The following SYNJ2 variants were observed in gnomAD, a reference collection of about 807,000 sequenced individuals.
SYNJ2 encodes synaptojanin 2.
In SYNJ2, 116 loss-of-function variants were observed where a neutral mutation model predicts 141.3. The observed-to-expected ratio is 0.82, with a 90% CI of 0.71 to 0.96. The LOEUF (loss-of-function observed/expected upper bound fraction) is 0.96. Ranked by LOEUF, SYNJ2 falls within the 40% of genes least tolerant of loss-of-function variation. SYNJ2 has a pLI of 0.00. For missense variants in SYNJ2, 1,873 were observed against 1,934.8 expected (o/e 0.97, Z 0.60); for synonymous variants, 745 against 777.7 (o/e 0.96, Z 0.70).
intron 1 of SYNJ2, among the ~76,000 whole-genome samples, chr6:158,011,440 A>G (rs557988017): frequency 1.3e-5 from 2 of 152,198 alleles, no homozygotes; most frequent in South Asian, 4.1e-4. Context: ...CACCATGGTC[A>G]AGGCCTGTTT....
chr6:158,007,372 G>A (rs911470262), intron 1 of SYNJ2, among the ~76,000 whole-genome samples: 2 of 152,156 alleles, frequency 1.3e-5, no homozygotes, highest in Non-Finnish European at 2.9e-5. Context: ...CAGCCTCCAC[G>A]CAGGGCTGCA....
chr6:158,057,418 GGAAA>G lies in SYNJ2; in HGVS notation c.858-1832_858-1829del, dbSNP rs541327317. Among the ~76,000 whole-genome samples, 31 of 152,180 alleles carry G rather than the reference GGAAA, an allele frequency of 2.0e-4. No individual in the cohort carries two copies. The East Asian group carries it at 5.6e-3, about 28-fold the overall frequency. On this transcript the variant is annotated intron_variant, in intron 6 of 26. Transcript: ENST00000355585. The stretch of plus-strand genomic sequence containing the variant: ...CAATAACGAGCATTTTACAATAAAG[GGAAA>G]GAAAGAGGAACCACGTCCCACACAC...
intron 4 of SYNJ2, among the ~76,000 whole-genome samples, chr6:158,036,823 G>C (rs1330638276): frequency 6.6e-6 from 1 of 152,182 alleles, no homozygotes; most frequent in East Asian, 1.9e-4. Context: ...AGAGAGAGAA[G>C]CTGTGGCCCC....
At position 157,982,530 on chromosome 6, in the gene SYNJ2, A is replaced by G. The variant is rs983447183; in HGVS notation, c.127+442A>G. Reference sequence around the variant, plus strand: ...GGGATGGGGACAAAAGCCCCAAAACATAGGCTCTGGAGAAACCGCTGATGG... The same window carrying G: ...GGGATGGGGACAAAAGCCCCAAAACGTAGGCTCTGGAGAAACCGCTGATGG... On this transcript the variant is annotated intron_variant, in intron 1 of 26. Transcript: ENST00000355585. This position sits in a 1 kb window ranked among gnomAD's most constrained non-coding sequence, Gnocchi z 4.0. 6.6e-6 allele frequency among the ~76,000 whole-genome samples: 1 copy of G among 152,242 alleles called. No individual in the cohort carries two copies. The highest frequency in any genetic ancestry group is 1.5e-5 in the Non-Finnish European group (1 of 68,044).
At chr6:158,016,323 A>G (rs536741676) in intron 1 of SYNJ2, among the ~76,000 whole-genome samples, 2 of 152,336 alleles carry the variant, frequency 1.3e-5, no homozygotes, top group East Asian at 3.9e-4. Flanking sequence ...CACGTTGCCC[A>G]GGCTGGTCTC....
chr6:158,074,489 C>T (rs577156234), intron 15 of SYNJ2, 91 bp from the exon 16 acceptor site: 179 of 1,377,742 alleles, frequency 1.3e-4, no homozygotes, highest in Non-Finnish European at 1.7e-4. Context: ...GAGAAAAATA[C>T]TCCTGCTTGC....
In SYNJ2 at chr6:157,982,162, A is replaced by T; in HGVS notation, c.127+74A>T. The T allele has an allele frequency of 8.0e-7, 1 of 1,255,290 alleles. No individual in the cohort carries two copies. Among genetic ancestry groups the T allele is most frequent in the Non-Finnish European group, 1.0e-6 (1 of 999,104 alleles). The allele number at this position is 1,255,290 out of a possible 1,614,324, so 77.8% of individuals were successfully genotyped here. A position where few individuals can be genotyped will look rare whatever the true frequency, so the allele number is the denominator to read the frequency against. ...TTCGCCCAGCCTCGGGAAGACGGGT[A>T]CCCCCCCTTCCCGAGGGGATCGGGC... On this transcript the variant is annotated intron_variant, in intron 1 of 26. Coordinates refer to ENST00000355585, the MANE Select transcript of SYNJ2 (RefSeq NM_003898.4). This position sits in a 1 kb window ranked among gnomAD's most constrained non-coding sequence, Gnocchi z 4.0.
Position 158,071,768 on chromosome 6 carries a change from A to G in SYNJ2, c.2107A>G (p.Ile703Val), listed in dbSNP as rs1357259773. Reference sequence around the variant, plus strand: ...GGAGCGGAATGAAGACTACAAGGAGATCACCCAGAAACTCTGCTTCCCAAT... The same window carrying G: ...GGAGCGGAATGAAGACTACAAGGAGGTCACCCAGAAACTCTGCTTCCCAAT... ...VKERNEDYKE[I>V]TQKLCFPMGR... Residue 703 changes from isoleucine to valine, a missense_variant, in exon 15 of 27, where the codon ATC becomes GTC. Transcript: ENST00000355585. The surrounding 1 kb of genome is among the most constrained non-coding windows in gnomAD (Gnocchi z 4.3). 9 of 1,613,644 alleles carry G rather than the reference A, an allele frequency of 5.6e-6. No individual in the cohort carries two copies. Among genetic ancestry groups the G allele is most frequent in the Non-Finnish European group, 7.6e-6 (9 of 1,179,998 alleles).
chr6:158,074,792 T>C (rs1782162521), intron 16 of SYNJ2, 54 bp downstream of exon 16: 1 of 1,594,082 alleles, frequency 6.3e-7, no homozygotes, highest in East Asian at 2.2e-5. Flanking sequence ...TGGAATGACA[T>C]CTGTGAGATG....
intron 1 of SYNJ2, among the ~76,000 whole-genome samples, chr6:158,005,902 C>G (rs1190269226): frequency 1.3e-5 from 2 of 152,198 alleles, no homozygotes; most frequent in Non-Finnish European, 2.9e-5. Context: ...CCCACCTGCT[C>G]CCCGCAGTGC....
At chr6:158,059,126 G>C in intron 6 of SYNJ2, 131 bp from the exon 7 acceptor site, 3 of 954,402 alleles carry the variant, frequency 3.1e-6, no homozygotes, top group Non-Finnish European at 4.3e-6. Flanking sequence ...GGGTCATGGG[G>C]GACAGCTGGT....
At chr6:157,986,027 A>G (rs1266952247) in intron 1 of SYNJ2, among the ~76,000 whole-genome samples, 1 of 152,186 alleles carries the variant, frequency 6.6e-6, no homozygotes, top group East Asian at 1.9e-4. Flanking sequence ...CTCAGTCTGA[A>G]CTGTTGCCTA....
intron 1 of SYNJ2, among the ~76,000 whole-genome samples, chr6:157,998,057 C>G (rs1293897185): frequency 6.6e-6 from 1 of 152,250 alleles, no homozygotes; most frequent in Admixed American, 6.5e-5. Flanking sequence ...TTCACGCAGG[C>G]ATTCTTGGCC....
chr6:158,097,508 C>T lies in SYNJ2; in HGVS notation c.*1144C>T, dbSNP rs755157704. ...TCTGGAATCCATTTGGAGCAGATAC[C>T]GTGTTTTCGCTATTTAATAAGAAGT... On this transcript the variant is annotated 3_prime_UTR_variant, in exon 27 of 27. Coordinates refer to ENST00000355585, the MANE Select transcript of SYNJ2 (RefSeq NM_003898.4). 7 of 152,170 alleles carry T rather than the reference C, an allele frequency of 4.6e-5. No homozygotes were observed. The highest frequency in any genetic ancestry group is 9.7e-5 in the African/African-American group (4 of 41,440). 9.4% of individuals were successfully genotyped at this position (152,170 alleles called of 1,614,324 possible). A position where few individuals can be genotyped will look rare whatever the true frequency, so the allele number is the denominator to read the frequency against.
intron 1 of SYNJ2, among the ~76,000 whole-genome samples, chr6:157,991,147 A>T (rs1777408802): frequency 6.6e-6 from 1 of 152,156 alleles, no homozygotes; most frequent in Non-Finnish European, 1.5e-5. Context: ...GATTCTAAGG[A>T]GGGGAAGAGA....
chr6:158,019,503 G>A (rs1778646036), intron 2 of SYNJ2, among the ~76,000 whole-genome samples: 1 of 152,176 alleles, frequency 6.6e-6, no homozygotes, highest in African/African-American at 2.4e-5. Context: ...ATTAGAGCGA[G>A]CCAGGGTGTC....
chr6:158,007,787 C>T (rs893554542), intron 1 of SYNJ2, among the ~76,000 whole-genome samples: 7 of 152,150 alleles, frequency 4.6e-5, no homozygotes, highest in Admixed American at 3.3e-4. Flanking sequence ...GAGTTACAGG[C>T]ATGCACCACC....
intron 1 of SYNJ2, among the ~76,000 whole-genome samples, chr6:157,996,963 G>A (rs1462212112): frequency 1.3e-5 from 2 of 151,948 alleles, no homozygotes; most frequent in South Asian, 2.1e-4. Flanking sequence ...ATAGCAGTGC[G>A]AGAACAGACT....
chr6:157,985,210 C>A (rs987714088), intron 1 of SYNJ2, among the ~76,000 whole-genome samples: 5 of 152,198 alleles, frequency 3.3e-5, no homozygotes, highest in African/African-American at 1.2e-4. Flanking sequence ...GTCCATGATT[C>A]GTTGATTGCT....
Sources: allele counts gnomAD v4.1 joint callset (sites outside exome capture counted in the v4.1 genomes callset), GRCh38; gene constraint gnomAD v4.1.1; non-coding constraint Gnocchi (gnomAD v3.1); transcripts MANE v1.5; gene names NCBI Gene and HGNC (gene_info 2026-07-23, HGNC 2026-07-21).